Variants in UNC5D observed in about 807,000 individuals in gnomAD.
The protein encoded by UNC5D is netrin receptor UNC5D.
Under a neutral mutation model 105.4 loss-of-function variants are expected in UNC5D, and 39 were observed. The observed-to-expected ratio is 0.37, with a 90% CI of 0.29 to 0.48. The LOEUF (loss-of-function observed/expected upper bound fraction) is 0.48. Among genes scored for constraint, UNC5D ranks in the 20% least tolerant of loss-of-function variants. The pLI, the probability that UNC5D is intolerant of heterozygous loss-of-function variation, is 0.98. For synonymous variants in UNC5D, 452 were observed against 450.4 expected (o/e 1.00, Z -0.04); for missense variants, 991 against 1,202.4 (o/e 0.82, Z 2.60).
chr8:35,254,459 A>G (rs1258352472), intron 1 of UNC5D: 2 of 152,216 alleles, frequency 1.3e-5, no homozygotes, highest in East Asian at 3.8e-4. Flanking sequence ...AATGCTGTCC[A>G]GAAGTGTAAA....
chr8:35,628,491 A>G (rs755010727), intron 4 of UNC5D, among the ~76,000 whole-genome samples: 2 of 152,206 alleles, frequency 1.3e-5, no homozygotes, highest in Non-Finnish European at 2.9e-5. Flanking sequence ...CTGCTTTTAA[A>G]GATGTTCATG....
At chr8:35,477,357 G>A (rs1368830021) in intron 1 of UNC5D, among the ~76,000 whole-genome samples, 1 of 143,712 alleles carries the variant, frequency 7.0e-6, no homozygotes, top group Non-Finnish European at 1.5e-5. Context: ...TTTTTTTTTT[G>A]TTTGGTCTTT....
At chr8:35,594,599 G>A (rs530039110) in intron 3 of UNC5D, among the ~76,000 whole-genome samples, 4 of 152,002 alleles carry the variant, frequency 2.6e-5, no homozygotes, top group African/African-American at 7.2e-5. Context: ...AATTACCCTC[G>A]TTCTGCAAGA....
intron 1 of UNC5D, among the ~76,000 whole-genome samples, chr8:35,533,062 C>A (rs1586067022): frequency 6.6e-6 from 1 of 150,810 alleles, no homozygotes; most frequent in Admixed American, 6.6e-5. Context: ...AAGTCATTCT[C>A]CATCCAGCTT....
At chr8:35,257,581 G>C (rs1199950541) in intron 1 of UNC5D, among the ~76,000 whole-genome samples, 2 of 152,094 alleles carry the variant, frequency 1.3e-5, no homozygotes, top group Non-Finnish European at 2.9e-5. Flanking sequence ...CCTTGCTTTG[G>C]GCAAAGATTA....
rs568160357 is a variant in UNC5D, at chr8:35,344,795, T to G, written c.103+108908T>G. On this transcript the variant is annotated intron_variant, in intron 1 of 16. Coordinates refer to ENST00000404895, the MANE Select transcript of UNC5D (RefSeq NM_080872.4). ...AAGCATAGAAATGTTACATGGGGGA[T>G]GAGGTGAACATCATTTTTGCCAAAA... Among the ~76,000 whole-genome samples, 3 of 152,166 alleles carry G rather than the reference T, an allele frequency of 2.0e-5. No homozygotes were observed. The South Asian group carries it at 6.2e-4, about 31-fold the overall frequency.
At chr8:35,248,007 A>T (rs1264869545) in intron 1 of UNC5D, among the ~76,000 whole-genome samples, 1 of 36,934 alleles carries the variant, frequency 2.7e-5, no homozygotes, top group Non-Finnish European at 4.1e-5. Flanking sequence ...ATTATATATA[A>T]AATATATATA....
At chr8:35,760,701 AG>A (rs1221659456) in intron 14 of UNC5D, among the ~76,000 whole-genome samples, 1 of 152,112 alleles carries the variant, frequency 6.6e-6, no homozygotes, top group Admixed American at 6.5e-5. Flanking sequence ...GAATGCTTTC[AG>A]GCTTCTTTGT....
chr8:35,405,210 T>A (rs1211690018), intron 1 of UNC5D, among the ~76,000 whole-genome samples: 1 of 151,918 alleles, frequency 6.6e-6, no homozygotes, highest in Non-Finnish European at 1.5e-5. Flanking sequence ...ACCCAGATAA[T>A]GGGGAAAGGA....
At chr8:35,384,172 T>A (rs1413858670) in intron 1 of UNC5D, among the ~76,000 whole-genome samples, 1 of 148,646 alleles carries the variant, frequency 6.7e-6, no homozygotes, top group Non-Finnish European at 1.5e-5. Flanking sequence ...TAAGCCGAGA[T>A]CGTGCCACTA....
chr8:35,343,548 G>A (rs1002203587), intron 1 of UNC5D, among the ~76,000 whole-genome samples: 3 of 151,990 alleles, frequency 2.0e-5, no homozygotes, highest in Non-Finnish European at 2.9e-5. Flanking sequence ...GGCTTAATAG[G>A]TAAAATAAGT....
rs1168327091 is a variant in UNC5D, at chr8:35,793,992, G to A, written c.*3429G>A. 6.6e-6 allele frequency: 1 copy of A among 152,074 alleles called. No homozygotes were observed. The highest frequency in any genetic ancestry group is 1.5e-5 in the Non-Finnish European group (1 of 68,022). The allele number at this position is 152,074 out of a possible 1,614,324, so 9.4% of individuals were successfully genotyped here. Reference sequence around the variant, plus strand: ...AAACAGGGTTCTCTTTGGATTAAAAGTTCTGGATTTATTGCAACTATTTTC... The same window carrying A: ...AAACAGGGTTCTCTTTGGATTAAAAATTCTGGATTTATTGCAACTATTTTC... On this transcript the variant is annotated 3_prime_UTR_variant, in exon 17 of 17. Coordinates refer to ENST00000404895, the MANE Select transcript of UNC5D (RefSeq NM_080872.4).
intron 11 of UNC5D, among the ~76,000 whole-genome samples, chr8:35,744,758 A>G (rs1044983896): frequency 1.3e-5 from 2 of 152,166 alleles, no homozygotes; most frequent in African/African-American, 4.8e-5. Flanking sequence ...GGAAAAAAAA[A>G]TAATCCCTGA....
intron 4 of UNC5D, among the ~76,000 whole-genome samples, chr8:35,601,329 C>A (rs1819868388): frequency 6.6e-6 from 1 of 152,090 alleles, no homozygotes; most frequent in East Asian, 1.9e-4. Context: ...TTTTCCAATT[C>A]TGTGAAGAAA....
At chr8:35,501,985 T>C (rs1278003041) in intron 1 of UNC5D, among the ~76,000 whole-genome samples, 1 of 152,238 alleles carries the variant, frequency 6.6e-6, no homozygotes, top group Non-Finnish European at 1.5e-5. Flanking sequence ...TTTTAAATTG[T>C]ACATAAATAA....
intron 1 of UNC5D, among the ~76,000 whole-genome samples, chr8:35,527,697 C>A (rs1444312085): frequency 6.6e-6 from 1 of 152,014 alleles, no homozygotes; most frequent in Non-Finnish European, 1.5e-5. Flanking sequence ...CATATACTAC[C>A]ACAACCAACT....
At chr8:35,429,747 T>C (rs1178260800) in intron 1 of UNC5D, among the ~76,000 whole-genome samples, 1 of 152,154 alleles carries the variant, frequency 6.6e-6, no homozygotes, top group African/African-American at 2.4e-5. Flanking sequence ...GTCCATCACC[T>C]CTAAAAGTTT....
intron 4 of UNC5D, among the ~76,000 whole-genome samples, chr8:35,605,158 T>C (rs1820201329): frequency 1.3e-5 from 2 of 152,222 alleles, no homozygotes; most frequent in African/African-American, 2.4e-5. Context: ...TTCTGTTTTT[T>C]CCCCATCTTT....
chr8:35,449,605 T>G (rs559335212), intron 1 of UNC5D, among the ~76,000 whole-genome samples: 3 of 152,142 alleles, frequency 2.0e-5, no homozygotes, highest in Admixed American at 6.6e-5. Context: ...TTATTTTATA[T>G]GCTTGGGAAA....
Sources: allele counts gnomAD v4.1 joint callset (sites outside exome capture counted in the v4.1 genomes callset), GRCh38; gene constraint gnomAD v4.1.1; transcripts MANE v1.5; gene names NCBI Gene and HGNC (gene_info 2026-07-23, HGNC 2026-07-21).